The following ATL2 variants were observed in gnomAD, a reference collection of about 807,000 sequenced individuals.
ATL2 encodes the protein atlastin-2.
A neutral mutation model predicts 73.9 loss-of-function variants in ATL2; 31 were observed. The observed-to-expected ratio is 0.42, with a 90% confidence interval of 0.32 to 0.57. The LOEUF is 0.57. Among genes scored for constraint, ATL2 ranks in the 20% least tolerant of loss-of-function variants. ATL2 has a pLI of 0.14. For missense variants in ATL2, 738 were observed against 702.6 expected (o/e 1.05, Z -0.57); for synonymous variants, 291 against 237.5 (o/e 1.23, Z -2.07).
intron 2 of ATL2, among the ~76,000 whole-genome samples, chr2:38,328,553 G>C (rs1200104577): frequency 6.6e-6 from 1 of 152,064 alleles, no homozygotes; most frequent in East Asian, 1.9e-4. Context: ...CAAATAGTTG[G>C]AGTTTAAAAC....
intron 2 of ATL2, among the ~76,000 whole-genome samples, chr2:38,327,091 G>A (rs1311216014): frequency 6.6e-6 from 1 of 151,956 alleles, no homozygotes; most frequent in Non-Finnish European, 1.5e-5. Flanking sequence ...CTAGAATTCT[G>A]TATCCAGTAA....
At chr2:38,323,350 T>G (rs901213199) in intron 2 of ATL2, among the ~76,000 whole-genome samples, 1 of 42,296 alleles carries the variant, frequency 2.4e-5, no homozygotes, top group Non-Finnish European at 4.2e-5. Flanking sequence ...TCACCAGAAG[T>G]TTTTTTTTTT....
intron 2 of ATL2, among the ~76,000 whole-genome samples, chr2:38,336,734 C>G (rs2148472789): frequency 6.6e-6 from 1 of 152,314 alleles, no homozygotes; most frequent in Non-Finnish European, 1.5e-5. Flanking sequence ...GTTTCTTCAA[C>G]TACCAAGTTG....
At chr2:38,302,897 C>G (rs564376106) in intron 9 of ATL2, among the ~76,000 whole-genome samples, 1 of 152,184 alleles carries the variant, frequency 6.6e-6, no homozygotes, top group Non-Finnish European at 1.5e-5. Context: ...AAATACCTAA[C>G]TCTTCAATGT....
intron 1 of ATL2, among the ~76,000 whole-genome samples, chr2:38,355,684 T>A (rs926679850): frequency 1.3e-5 from 2 of 149,110 alleles, no homozygotes; most frequent in African/African-American, 5.0e-5. Flanking sequence ...GATAAATGCA[T>A]AGTCACATTT....
intron 1 of ATL2, among the ~76,000 whole-genome samples, chr2:38,368,312 G>C (rs938563446): frequency 6.7e-5 from 10 of 150,346 alleles, no homozygotes; most frequent in Non-Finnish European, 4.4e-5. Flanking sequence ...GAGCGCAATG[G>C]TGCAATCTCA....
chr2:38,369,267 T>C (rs950271052), intron 1 of ATL2, among the ~76,000 whole-genome samples: 6 of 150,212 alleles, frequency 4.0e-5, no homozygotes, highest in Admixed American at 1.3e-4. Flanking sequence ...CTGACCAACA[T>C]AGTGAAACCC....
At position 38,334,998 on chromosome 2, in the gene ATL2, T is replaced by C. The variant is rs191358786; in HGVS notation, c.363+8270A>G. Among the ~76,000 whole-genome samples the C allele has an allele frequency of 2.3e-4, 22 of 96,144 alleles. No homozygotes were observed. In the South Asian group the frequency reaches 5.8e-3, roughly 25 times the overall value. The allele number at this position is 96,144 out of a possible 152,430, so 63.1% of individuals were successfully genotyped here. On this transcript the variant is annotated intron_variant, in intron 2 of 12. Transcript: ENST00000378954. The stretch of plus-strand genomic sequence containing the variant: ...AAACTTCTACATTAAATCTGGCAAA[T>C]AGTTTATGAGCAAATGAACTTGTAT...
intron 1 of ATL2, among the ~76,000 whole-genome samples, chr2:38,373,634 T>C (rs1164035176): frequency 6.6e-6 from 1 of 152,204 alleles, no homozygotes; most frequent in Non-Finnish European, 1.5e-5. Context: ...GCTACTTAAA[T>C]ACACACATTT....
intron 1 of ATL2, among the ~76,000 whole-genome samples, chr2:38,365,950 A>G (rs1373355738): frequency 6.6e-6 from 1 of 151,914 alleles, no homozygotes; most frequent in East Asian, 1.9e-4. Context: ...TCTGTCTCAA[A>G]AAAAAAGAGG....
chr2:38,342,175 A>C (rs1332075988), intron 2 of ATL2, among the ~76,000 whole-genome samples: 1 of 152,026 alleles, frequency 6.6e-6, no homozygotes, highest in Admixed American at 6.6e-5. Context: ...GTAAGTAGCA[A>C]TTGTCTGGTA....
rs374027261 is a variant in ATL2 at position 38,347,190 on chromosome 2, G to A, written c.119-3678C>T. The stretch of plus-strand genomic sequence containing the variant: ...GAAAGCCCTTAAATACCTTACCATG[G>A]CTTCTATAGTCGTATGCGATCTGGG... On this transcript the variant is annotated intron_variant, in intron 1 of 12. Coordinates refer to ENST00000378954, the MANE Select transcript of ATL2 (RefSeq NM_001135673.4). Among the ~76,000 whole-genome samples, 17 of 152,258 alleles carry A rather than the reference G, an allele frequency of 1.1e-4. No individual in the cohort carries two copies. The South Asian group carries it at 3.1e-3, about 28-fold the overall frequency.
intron 4 of ATL2, among the ~76,000 whole-genome samples, chr2:38,316,926 C>G (rs1668053941): frequency 6.6e-6 from 1 of 151,980 alleles, no homozygotes; most frequent in Non-Finnish European, 1.5e-5. Flanking sequence ...CTTGCAAGAT[C>G]AGAGAAAAAA....
intron 1 of ATL2, 96 bp downstream of exon 1, chr2:38,377,047 C>G (rs1672017642): frequency 8.3e-7 from 1 of 1,209,184 alleles, no homozygotes; most frequent in Non-Finnish European, 1.1e-6. Flanking sequence ...CAGCCGCGGA[C>G]TCCGACCCCG....
intron 2 of ATL2, among the ~76,000 whole-genome samples, chr2:38,321,602 T>C (rs74842453): frequency 1.3e-5 from 2 of 152,240 alleles, no homozygotes; most frequent in East Asian, 3.8e-4. Context: ...TCACTGAATG[T>C]TCACAAGAAA....
Position 38,295,769 on chromosome 2 carries a change from A to T in ATL2, c.*225T>A. Reference sequence around the variant, plus strand: ...AGAGTTAAACATGGCACAAAGGTGCATGATTAACCAATGCTCCTCAGTCCA... The same window carrying T: ...AGAGTTAAACATGGCACAAAGGTGCTTGATTAACCAATGCTCCTCAGTCCA... On this transcript the variant is annotated 3_prime_UTR_variant, in exon 13 of 13. Coordinates refer to ENST00000378954, the MANE Select transcript of ATL2 (RefSeq NM_001135673.4). The T allele has an allele frequency of 2.5e-6, 1 of 394,656 alleles. No individual in the cohort carries two copies. 24.4% of individuals were successfully genotyped at this position (394,656 alleles called of 1,614,324 possible).
At chr2:38,320,418 C>G (rs1468048991) in intron 2 of ATL2, among the ~76,000 whole-genome samples, 2 of 152,092 alleles carry the variant, frequency 1.3e-5, no homozygotes, top group Non-Finnish European at 2.9e-5. Flanking sequence ...TAAAACAAGA[C>G]CAGCAAAATG....
intron 2 of ATL2, among the ~76,000 whole-genome samples, chr2:38,324,922 A>C (rs188496536): frequency 1.3e-5 from 2 of 152,338 alleles, no homozygotes; most frequent in East Asian, 3.9e-4. Flanking sequence ...ACAGAGCTTC[A>C]GCTGGGGAAG....
chr2:38,371,291 G>C (rs1002670110), intron 1 of ATL2, among the ~76,000 whole-genome samples: 1 of 151,670 alleles, frequency 6.6e-6, no homozygotes, highest in Admixed American at 6.6e-5. Context: ...AGGATCACTT[G>C]AGTCCAGAAG....
Sources: allele counts gnomAD v4.1 joint callset (sites outside exome capture counted in the v4.1 genomes callset), GRCh38; gene constraint gnomAD v4.1.1; transcripts MANE v1.5; gene names NCBI Gene and HGNC (gene_info 2026-07-23, HGNC 2026-07-21).